The following MAGI2 variants were observed in gnomAD, a reference collection of about 807,000 sequenced individuals.
MAGI2 encodes the protein membrane associated guanylate kinase, WW and PDZ domain containing 2, also known as membrane-associated guanylate kinase, WW and PDZ domain-containing protein 2.
In MAGI2, 35 loss-of-function variants were observed where a neutral mutation model predicts 133.3. That is an observed-to-expected ratio of 0.26 (90% CI 0.20 to 0.35). MAGI2 has a LOEUF of 0.35. Ranked by LOEUF, MAGI2 falls within the 10% of genes least tolerant of loss-of-function variation. MAGI2 has a pLI of 1.00. For missense variants in MAGI2, 1,636 were observed against 1,863.4 expected (o/e 0.88, Z 2.25); for synonymous variants, 729 against 710.6 (o/e 1.03, Z -0.41).
At chr7:78,464,777 C>T (rs1423312471) in intron 6 of MAGI2, among the ~76,000 whole-genome samples, 9 of 148,162 alleles carry the variant, frequency 6.1e-5, no homozygotes, top group African/African-American at 1.5e-4. Context: ...AAATGTATTT[C>T]GTTAAGCAGG....
At chr7:79,205,046 G>GT (rs1434408517) in intron 1 of MAGI2, among the ~76,000 whole-genome samples, 1 of 151,604 alleles carries the variant, frequency 6.6e-6, no homozygotes, top group Admixed American at 6.6e-5. Context: ...AAGATCAAGG[G>GT]TTAGAAAGTT....
At chr7:78,144,151 A>G (rs1451694605) in intron 16 of MAGI2, among the ~76,000 whole-genome samples, 2 of 152,274 alleles carry the variant, frequency 1.3e-5, no homozygotes, top group East Asian at 3.9e-4. Context: ...TTGAAGTAAT[A>G]TATGTGTGAA....
chr7:78,887,131 G>A (rs1796337179), intron 2 of MAGI2, among the ~76,000 whole-genome samples: 1 of 152,140 alleles, frequency 6.6e-6, no homozygotes, highest in Non-Finnish European at 1.5e-5. Context: ...AAATTTCCCA[G>A]TCTCAGGTAT....
intron 2 of MAGI2, among the ~76,000 whole-genome samples, chr7:78,911,128 G>A (rs1798366863): frequency 6.6e-6 from 1 of 152,108 alleles, no homozygotes; most frequent in South Asian, 2.1e-4. Flanking sequence ...ACCTAAATCA[G>A]ATGTTCTTTA....
At chr7:78,418,193 T>G (rs1484690499) in intron 6 of MAGI2, among the ~76,000 whole-genome samples, 1 of 152,102 alleles carries the variant, frequency 6.6e-6, no homozygotes, top group Non-Finnish European at 1.5e-5. Context: ...AAGCAGAACA[T>G]AACTGGATAT....
At chr7:78,228,772 A>T (rs2150866397) in intron 10 of MAGI2, among the ~76,000 whole-genome samples, 1 of 152,360 alleles carries the variant, frequency 6.6e-6, no homozygotes, top group Non-Finnish European at 1.5e-5. Flanking sequence ...ATATGAGACT[A>T]AAATGTAAAT....
chr7:78,756,261 G>A (rs1486767770), intron 2 of MAGI2, among the ~76,000 whole-genome samples: 1 of 152,200 alleles, frequency 6.6e-6, no homozygotes, highest in African/African-American at 2.4e-5. Flanking sequence ...ATCCATTCAT[G>A]TAAGCATAAA....
intron 7 of MAGI2, among the ~76,000 whole-genome samples, chr7:78,365,179 T>A (rs1430490289): frequency 1.3e-5 from 2 of 151,878 alleles, no homozygotes. Context: ...TACTCCAAAG[T>A]GGTGGGTAAT....
intron 1 of MAGI2, among the ~76,000 whole-genome samples, chr7:79,309,277 A>G (rs1838061942): frequency 6.6e-6 from 1 of 151,904 alleles, no homozygotes; most frequent in African/African-American, 2.4e-5. Context: ...AAGGCAATAC[A>G]TATAGATAAA....
At chr7:78,761,988 C>T (rs1824559626) in intron 2 of MAGI2, among the ~76,000 whole-genome samples, 1 of 152,124 alleles carries the variant, frequency 6.6e-6, no homozygotes, top group Non-Finnish European at 1.5e-5. Flanking sequence ...GAGGCATGGA[C>T]TCTATCCGGA....
At chr7:79,159,676 T>G (rs1024357957) in intron 1 of MAGI2, among the ~76,000 whole-genome samples, 1 of 152,098 alleles carries the variant, frequency 6.6e-6, no homozygotes, top group African/African-American at 2.4e-5. Context: ...GTTTTTAAAT[T>G]TTTAAATTCT....
At chr7:79,400,762 T>TA (rs1381920566) in intron 1 of MAGI2, among the ~76,000 whole-genome samples, 1 of 152,156 alleles carries the variant, frequency 6.6e-6, no homozygotes, top group Non-Finnish European at 1.5e-5. Context: ...AATTATATGG[T>TA]ATGTTCTAAT....
chr7:79,028,477 TG>T (rs778624101), intron 1 of MAGI2, among the ~76,000 whole-genome samples: 18 of 151,344 alleles, frequency 1.2e-4, no homozygotes, highest in Non-Finnish European at 2.5e-4. Context: ...AGGAAGCCGA[TG>T]GTTAACTACT....
chr7:79,015,804 T>C (rs1334995141), intron 1 of MAGI2, among the ~76,000 whole-genome samples: 3 of 151,966 alleles, frequency 2.0e-5, no homozygotes, highest in African/African-American at 4.8e-5. Context: ...TGGAAACAAA[T>C]TGTTGTTATA....
intron 2 of MAGI2, among the ~76,000 whole-genome samples, chr7:78,943,738 C>T (rs1642887): frequency 0.18 from 26,816 of 151,962 alleles, 3,475 homozygotes; most frequent in African/African-American, 0.36. Flanking sequence ...TTTGTTGCCT[C>T]GGTGGAGATA....
chr7:79,280,792 G>T lies in MAGI2; in HGVS notation c.301+172228C>A, dbSNP rs190842602. Among the ~76,000 whole-genome samples the T allele has an allele frequency of 4.8e-3, 722 of 151,748 alleles. 9 individuals carry two copies. Among genetic ancestry groups the T allele is most frequent in the Non-Finnish European group, 6.9e-3 (466 of 67,926 alleles). On this transcript the variant is annotated intron_variant, in intron 1 of 21. Coordinates refer to ENST00000354212, the MANE Select transcript of MAGI2 (RefSeq NM_012301.4). ...TTTACAAACATAGCCAGGCATGGTG[G>T]TGCGAACCTGTAGTCCTAGCTACTT...
At position 78,033,693 on chromosome 7, in the gene MAGI2, T is replaced by C. The variant is rs1467421757; in HGVS notation, c.3707-13717A>G. ...ATATGGGCCTTAGGGAAAGTGTGAG[T>C]TTGAGTTTGAAGGGAGAATAAGAGT... On this transcript the variant is annotated intron_variant, in intron 21 of 21. Coordinates refer to ENST00000354212, the MANE Select transcript of MAGI2 (RefSeq NM_012301.4). Among the ~76,000 whole-genome samples the C allele has an allele frequency of 2.0e-5, 3 of 151,308 alleles. No homozygotes were observed. In the East Asian group the frequency reaches 5.8e-4, roughly 29 times the overall value.
At chr7:78,930,299 C>T (rs1328056539) in intron 2 of MAGI2, among the ~76,000 whole-genome samples, 4 of 152,116 alleles carry the variant, frequency 2.6e-5, no homozygotes, top group East Asian at 3.9e-4. Flanking sequence ...CTAAATGCAT[C>T]AAGCATGCTT....
In MAGI2 at chr7:78,501,790, A is replaced by T. The variant is rs768568330; in HGVS notation, c.755-3T>A. On this transcript the variant is annotated splice_polypyrimidine_tract_variant and splice_region_variant and intron_variant, in intron 4 of 21. Transcript: ENST00000354212. ...TTTGTCTTCATGTTCACTGGATTCT[A>T]TAAGAGAACAAGAGCACGTGGTTAG... The T allele has an allele frequency of 1.2e-6, 2 of 1,611,498 alleles. No individual in the cohort carries two copies. The highest frequency in any genetic ancestry group is 1.1e-5 in the South Asian group (1 of 91,008).
Sources: gnomAD v4.1 joint callset for allele counts (sites outside exome capture counted in the v4.1 genomes callset) on GRCh38, gnomAD v4.1.1 for gene constraint, MANE v1.5 for transcripts, NCBI Gene and HGNC (gene_info 2026-07-23, HGNC 2026-07-21) for gene names.